Variants in PRICKLE2 observed in about 807,000 individuals in gnomAD.
PRICKLE2 encodes prickle planar cell polarity protein 2, also known as prickle-like protein 2.
PRICKLE2 carries 21 observed loss-of-function variants against 81.4 expected under a neutral mutation model. The ratio of observed to expected loss-of-function variants is 0.26; its 90% CI spans 0.18 to 0.37. The LOEUF (loss-of-function observed/expected upper bound fraction) is 0.37, where lower values mean the gene tolerates loss of function less well. Among genes scored for constraint, PRICKLE2 ranks in the 10% least tolerant of loss-of-function variants. The pLI is 1.00. For missense variants in PRICKLE2, 940 were observed against 1,109.0 expected (o/e 0.85, Z 2.16); for synonymous variants, 456 against 421.5 (o/e 1.08, Z -1.00).
At chr3:64,233,965 T>C (rs1176847027) in intron 2 of PRICKLE2, among the ~76,000 whole-genome samples, 3 of 152,196 alleles carry the variant, frequency 2.0e-5, no homozygotes, top group African/African-American at 7.2e-5. Context: ...CTTCACCTAG[T>C]GTATTTTTGG....
At chr3:64,125,952 CT>C (rs201865721) in intron 7 of PRICKLE2, among the ~76,000 whole-genome samples, 39 of 149,014 alleles carry the variant, frequency 2.6e-4, no homozygotes, top group East Asian at 3.9e-4. Flanking sequence ...TATCATGAGT[CT>C]TTTTTTTTTG....
At chr3:64,259,661 A>T (rs564939397) in intron 2 of PRICKLE2, among the ~76,000 whole-genome samples, 1 of 152,208 alleles carries the variant, frequency 6.6e-6, no homozygotes, top group East Asian at 1.9e-4. Flanking sequence ...TGTAGATTAT[A>T]CAAGTGGGCT....
chr3:64,152,425 C>G (rs1314246350), intron 6 of PRICKLE2, among the ~76,000 whole-genome samples: 1 of 152,200 alleles, frequency 6.6e-6, no homozygotes, highest in South Asian at 2.1e-4. Context: ...AAGGGTTGAA[C>G]AAATTGGGTA....
At chr3:64,175,916 T>C (rs2078014513) in intron 2 of PRICKLE2, among the ~76,000 whole-genome samples, 1 of 152,146 alleles carries the variant, frequency 6.6e-6, no homozygotes, top group Non-Finnish European at 1.5e-5. Context: ...GACCCGAGAA[T>C]AGTGGCCTAG....
At chr3:64,132,833 G>C (rs752943348) in intron 7 of PRICKLE2, among the ~76,000 whole-genome samples, 2 of 152,174 alleles carry the variant, frequency 1.3e-5, no homozygotes, top group Non-Finnish European at 2.9e-5. Context: ...GGCAGATGCC[G>C]TGTGGGAGGA....
At chr3:64,256,823 T>A (rs1222962083) in intron 2 of PRICKLE2, among the ~76,000 whole-genome samples, 1 of 152,164 alleles carries the variant, frequency 6.6e-6, no homozygotes, top group Non-Finnish European at 1.5e-5. Context: ...ACACTTAGAA[T>A]GCACTGTCTC....
At chr3:64,132,612 A>G (rs1049567114) in intron 7 of PRICKLE2, among the ~76,000 whole-genome samples, 7 of 152,246 alleles carry the variant, frequency 4.6e-5, no homozygotes, top group Non-Finnish European at 1.0e-4. Context: ...TATTTGTTGA[A>G]AACATGAATA....
intron 2 of PRICKLE2, among the ~76,000 whole-genome samples, chr3:64,252,841 T>C (rs2079468404): frequency 6.6e-6 from 1 of 152,216 alleles, no homozygotes; most frequent in Non-Finnish European, 1.5e-5. Flanking sequence ...CCATATAGTC[T>C]CTGTCATGAC....
Position 64,098,783 on chromosome 3 carries a change from A to C in PRICKLE2, c.*268T>G, listed in dbSNP as rs1266004676. On this transcript the variant is annotated 3_prime_UTR_variant, in exon 8 of 8. Transcript: ENST00000638394. Reference sequence around the variant, plus strand: ...CCATCTTGAGAGATGGCAACTCAACACAGAACTGATGGGAAGGAAGTGACC... The same window carrying C: ...CCATCTTGAGAGATGGCAACTCAACCCAGAACTGATGGGAAGGAAGTGACC... 1 of 494,748 alleles carries C rather than the reference A, an allele frequency of 2.0e-6. No individual in the cohort carries two copies. Among genetic ancestry groups the C allele is most frequent in the African/African-American group, 1.9e-5 (1 of 51,638 alleles). 30.6% of individuals were successfully genotyped at this position (494,748 alleles called of 1,614,324 possible). A position where few individuals can be genotyped will look rare whatever the true frequency, so the allele number is the denominator to read the frequency against.
At chr3:64,166,002 G>T (rs2077825918) in intron 2 of PRICKLE2, among the ~76,000 whole-genome samples, 1 of 44,878 alleles carries the variant, frequency 2.2e-5, no homozygotes. Context: ...GTGTGTGTGT[G>T]TGTGTGTGTG....
At position 64,134,818 on chromosome 3, in the gene PRICKLE2, G is replaced by C. The variant is rs564046810; in HGVS notation, c.1660+12012C>G. Among the ~76,000 whole-genome samples the C allele has an allele frequency of 5.3e-5, 8 of 152,284 alleles. No homozygotes were observed. The South Asian group carries it at 1.5e-3, about 28-fold the overall frequency. The stretch of plus-strand genomic sequence containing the variant: ...TATTTGAGTATAAAGAAAGAAAAAG[G>C]GTGAGTTATTCCAGTCAGTTTCCTC... On this transcript the variant is annotated intron_variant, in intron 7 of 7. Coordinates refer to ENST00000638394, the MANE Select transcript of PRICKLE2 (RefSeq NM_198859.4).
intron 7 of PRICKLE2, among the ~76,000 whole-genome samples, chr3:64,134,666 C>A (rs558080982): frequency 6.8e-6 from 1 of 148,114 alleles, no homozygotes; most frequent in South Asian, 2.2e-4. Context: ...CTAGTAACTA[C>A]CCCCACCCAT....
At chr3:64,192,113 A>T (rs1232799923) in intron 2 of PRICKLE2, among the ~76,000 whole-genome samples, 1 of 152,262 alleles carries the variant, frequency 6.6e-6, no homozygotes, top group Admixed American at 6.5e-5. Flanking sequence ...CCGAGGGAAC[A>T]GAAATAATTG....
intron 2 of PRICKLE2, among the ~76,000 whole-genome samples, chr3:64,246,806 T>C (rs936742592): frequency 2.6e-5 from 4 of 152,204 alleles, no homozygotes; most frequent in African/African-American, 9.7e-5. Context: ...TTTACTTTCC[T>C]TTGCTACATG....
chr3:64,235,427 C>G (rs1346593914), intron 2 of PRICKLE2, among the ~76,000 whole-genome samples: 1 of 152,178 alleles, frequency 6.6e-6, no homozygotes, highest in Non-Finnish European at 1.5e-5. Flanking sequence ...ATAGGTCACA[C>G]TTTTCTGTTT....
At chr3:64,150,294 T>C (rs1455175550) in intron 6 of PRICKLE2, among the ~76,000 whole-genome samples, 1 of 152,136 alleles carries the variant, frequency 6.6e-6, no homozygotes, top group Non-Finnish European at 1.5e-5. Context: ...TCCAGCTGTG[T>C]GACCCTAGGC....
intron 7 of PRICKLE2, among the ~76,000 whole-genome samples, chr3:64,130,301 A>AT (rs1371232149): frequency 1.3e-5 from 2 of 151,932 alleles, no homozygotes. Flanking sequence ...TAGGTGTTGT[A>AT]TTTTTTCTCA....
chr3:64,144,588 G>A (rs1472791195), intron 7 of PRICKLE2, among the ~76,000 whole-genome samples: 1 of 152,230 alleles, frequency 6.6e-6, no homozygotes, highest in Non-Finnish European at 1.5e-5. Context: ...CTTGCTGTAA[G>A]GGGCAGACGT....
chr3:64,258,845 A>AAAAAG (rs2079570108), intron 2 of PRICKLE2, among the ~76,000 whole-genome samples: 16 of 34,012 alleles, frequency 4.7e-4, no homozygotes, highest in Admixed American at 9.4e-4. Context: ...AAAAAAAAAA[A>AAAAAG]AAAGAAAGAA....
Sources: gnomAD v4.1 joint callset for allele counts (sites outside exome capture counted in the v4.1 genomes callset) on GRCh38, gnomAD v4.1.1 for gene constraint, MANE v1.5 for transcripts, NCBI Gene and HGNC (gene_info 2026-07-23, HGNC 2026-07-21) for gene names.